Variants in ARHGEF28 observed in about 807,000 individuals in gnomAD.
The protein encoded by ARHGEF28 is Rho guanine nucleotide exchange factor 28.
Under a neutral mutation model 206.6 loss-of-function variants are expected in ARHGEF28, and 152 were observed. The ratio of observed to expected loss-of-function variants is 0.74; its 90% confidence interval spans 0.64 to 0.84. ARHGEF28 has a LOEUF of 0.84. ARHGEF28 is among the 40% of genes least tolerant of loss of function. The pLI, the probability that ARHGEF28 is intolerant of heterozygous loss-of-function variation, is 0.00. For synonymous variants in ARHGEF28, 763 were observed against 776.4 expected (o/e 0.98, Z 0.29); for missense variants, 2,028 against 2,073.2 (o/e 0.98, Z 0.42).
chr5:73,680,462 A>AT (rs1747004528), intron 1 of ARHGEF28, among the ~76,000 whole-genome samples: 1 of 147,348 alleles, frequency 6.8e-6, no homozygotes, highest in African/African-American at 2.5e-5. Flanking sequence ...AAAAAAAAAA[A>AT]GGGATTCACT....
intron 1 of ARHGEF28, among the ~76,000 whole-genome samples, chr5:73,655,255 G>T (rs1745112597): frequency 6.6e-6 from 1 of 152,150 alleles, no homozygotes; most frequent in African/African-American, 2.4e-5. Flanking sequence ...TAGGAGTTTG[G>T]CCTAACTATG....
intron 2 of ARHGEF28, among the ~76,000 whole-genome samples, chr5:73,714,162 T>C (rs1749428860): frequency 6.6e-6 from 1 of 152,168 alleles, no homozygotes; most frequent in African/African-American, 2.4e-5. Context: ...CATCAGTGAC[T>C]GACAAATAGT....
At chr5:73,751,118 C>T (rs1338224096) in intron 3 of ARHGEF28, among the ~76,000 whole-genome samples, 6 of 152,262 alleles carry the variant, frequency 3.9e-5, no homozygotes, top group Admixed American at 2.6e-4. Context: ...ACAGTCAAAC[C>T]GAATTAATGG....
chr5:73,647,298 T>C (rs1443683061), intron 1 of ARHGEF28, among the ~76,000 whole-genome samples: 1 of 152,254 alleles, frequency 6.6e-6, no homozygotes, highest in African/African-American at 2.4e-5. Flanking sequence ...ACTTAGGTCC[T>C]ATCCCCAAGA....
At chr5:73,746,276 A>G (rs891154924) in intron 2 of ARHGEF28, among the ~76,000 whole-genome samples, 2 of 152,104 alleles carry the variant, frequency 1.3e-5, no homozygotes, top group East Asian at 3.8e-4. Flanking sequence ...CACTTAACGA[A>G]CAGTAGATGA....
At chr5:73,855,841 G>T (rs1758994082) in intron 14 of ARHGEF28, among the ~76,000 whole-genome samples, 1 of 151,826 alleles carries the variant, frequency 6.6e-6, no homozygotes, top group African/African-American at 2.4e-5. Flanking sequence ...TTTTTATATA[G>T]TCTTCTGTAA....
In ARHGEF28 at chr5:73,753,690, A is replaced by C. The variant is rs182192066; in HGVS notation, c.475+488A>C. Among the ~76,000 whole-genome samples the C allele has an allele frequency of 3.9e-4, 60 of 152,348 alleles. No homozygotes were observed. In the East Asian group the frequency reaches 7.5e-3, roughly 19 times the overall value. On this transcript the variant is annotated intron_variant, in intron 4 of 35. Coordinates refer to ENST00000513042, the MANE Select transcript of ARHGEF28 (RefSeq NM_001177693.2). ...CTGAGAGCATTTGTGTTACATTTGT[A>C]CTAGTTTTTGGAGTTCTAAAGACCA...
chr5:73,814,803 A>G (rs376873175), intron 9 of ARHGEF28, among the ~76,000 whole-genome samples: 94 of 152,190 alleles, frequency 6.2e-4, no homozygotes, highest in African/African-American at 2.2e-3. Flanking sequence ...CTGAAATACA[A>G]TAGAAGTGTT....
rs372557486 is a variant in ARHGEF28, at chr5:73,838,984, C to T, written c.1147-1496C>T. ...TCCTCAGTCTTTGTGTTTTATGGCA[C>T]TGATATTTTAAAAGAATACAGACCA... On this transcript the variant is annotated intron_variant, in intron 10 of 35. Transcript: ENST00000513042. Among the ~76,000 whole-genome samples the T allele has an allele frequency of 2.7e-3, 418 of 152,264 alleles. 6 individuals are homozygous for T. Among genetic ancestry groups the T allele is most frequent in the African/African-American group, 8.7e-3 (362 of 41,524 alleles).
intron 4 of ARHGEF28, among the ~76,000 whole-genome samples, chr5:73,764,175 T>C (rs1036351844): frequency 4.6e-5 from 7 of 152,216 alleles, no homozygotes; most frequent in Admixed American, 1.3e-4. Context: ...ACTTGAGAAT[T>C]AAATGGCTTT....
chr5:73,626,711 A>G (rs1021186573), intron 1 of ARHGEF28, among the ~76,000 whole-genome samples: 2 of 152,164 alleles, frequency 1.3e-5, no homozygotes, highest in African/African-American at 4.8e-5. Flanking sequence ...CGCCCTTCCC[A>G]TCCATGCTTC....
intron 2 of ARHGEF28, among the ~76,000 whole-genome samples, chr5:73,703,865 G>A (rs113665571): frequency 1.3e-5 from 2 of 151,854 alleles, no homozygotes; most frequent in African/African-American, 4.8e-5. Flanking sequence ...GTGAAACCCC[G>A]TCTCTACTAA....
At chr5:73,925,604 A>C (rs993808921) in intron 35 of ARHGEF28, among the ~76,000 whole-genome samples, 4 of 152,182 alleles carry the variant, frequency 2.6e-5, no homozygotes, top group African/African-American at 9.6e-5. Flanking sequence ...GAAAGTTCCC[A>C]TATGCCCCTT....
At chr5:73,652,319 C>T (rs1744885892) in intron 1 of ARHGEF28, among the ~76,000 whole-genome samples, 1 of 152,144 alleles carries the variant, frequency 6.6e-6, no homozygotes, top group South Asian at 2.1e-4. Flanking sequence ...CTGCTATAGA[C>T]TCATCAGAGA....
At chr5:73,638,049 C>A (rs1169759082) in intron 1 of ARHGEF28, among the ~76,000 whole-genome samples, 1 of 152,046 alleles carries the variant, frequency 6.6e-6, no homozygotes, top group Admixed American at 6.6e-5. Context: ...TAATTAAAAT[C>A]TGTAATTGGA....
intron 2 of ARHGEF28, among the ~76,000 whole-genome samples, chr5:73,735,944 C>G (rs1184434314): frequency 6.6e-6 from 1 of 152,186 alleles, no homozygotes; most frequent in Admixed American, 6.5e-5. Flanking sequence ...TACTCCCTCT[C>G]CCATCCATAC....
intron 2 of ARHGEF28, among the ~76,000 whole-genome samples, chr5:73,703,467 C>G (rs926769142): frequency 1.3e-5 from 2 of 151,884 alleles, no homozygotes; most frequent in African/African-American, 2.4e-5. Flanking sequence ...TCAGGAGTCC[C>G]GAGGAAGAGG....
At chr5:73,897,890 C>T in intron 29 of ARHGEF28, 72 bp from the exon 30 acceptor site, 1 of 1,478,842 alleles carries the variant, frequency 6.8e-7, no homozygotes, top group Non-Finnish European at 9.1e-7. Flanking sequence ...TGCGATTTGC[C>T]AATTCCTGGT....
intron 2 of ARHGEF28, among the ~76,000 whole-genome samples, chr5:73,733,301 A>T (rs986070301): frequency 6.6e-6 from 1 of 152,248 alleles, no homozygotes; most frequent in African/African-American, 2.4e-5. Flanking sequence ...GGCATTCATT[A>T]TTACATTTGA....
Sources: allele counts gnomAD v4.1 joint callset (sites outside exome capture counted in the v4.1 genomes callset), GRCh38; gene constraint gnomAD v4.1.1; transcripts MANE v1.5; gene names NCBI Gene and HGNC (gene_info 2026-07-23, HGNC 2026-07-21).